The following PKD1L3 variants were observed in gnomAD, a reference collection of about 807,000 sequenced individuals.
The protein encoded by PKD1L3 is polycystin 1 like 3, transient receptor potential channel interacting.
PKD1L3 carries 239 observed loss-of-function variants against 184.1 expected under a neutral mutation model. The ratio of observed to expected loss-of-function variants is 1.30; its 90% CI spans 1.17 to 1.45. The LOEUF is 1.45. PKD1L3 is among the 40% of genes most tolerant of loss of function. PKD1L3 has a pLI of 0.00. For synonymous variants in PKD1L3, 996 were observed against 778.8 expected (o/e 1.28, Z -4.64); for missense variants, 2,660 against 2,067.2 (o/e 1.29, Z -5.56).
At chr16:71,993,708 A>T (rs2040679908) in intron 2 of PKD1L3, among the ~76,000 whole-genome samples, 1 of 152,212 alleles carries the variant, frequency 6.6e-6, no homozygotes, top group African/African-American at 2.4e-5. Context: ...ATTCCATACT[A>T]AGCGTAATAT....
intron 21 of PKD1L3, among the ~76,000 whole-genome samples, chr16:71,947,938 A>G (rs1332118465): frequency 1.4e-5 from 2 of 143,776 alleles, no homozygotes; most frequent in Non-Finnish European, 3.0e-5. Context: ...TTTTTTTGAG[A>G]CGGAGTCTCG....
At chr16:71,970,724 C>T (rs946391115) in intron 12 of PKD1L3, among the ~76,000 whole-genome samples, 59 of 152,308 alleles carry the variant, frequency 3.9e-4, no homozygotes, top group African/African-American at 1.3e-3. Context: ...AGGAGAATTG[C>T]TTGAACCTGA....
chr16:71,943,045 A>C, intron 23 of PKD1L3, 21 bp from the exon 24 acceptor site: 1 of 1,506,126 alleles, frequency 6.6e-7, no homozygotes. Context: ...AGAGGAAAAA[A>C]ATGTCATAGT....
At chr16:71,969,678 GA>G (rs928895069) in intron 13 of PKD1L3, among the ~76,000 whole-genome samples, 196 bp downstream of exon 13, 6 of 145,514 alleles carry the variant, frequency 4.1e-5, no homozygotes, top group South Asian at 2.2e-4. Context: ...GGAACCAAAG[GA>G]AAAAAAAATA....
chr16:71,966,322 C>G (rs2039500417), intron 15 of PKD1L3, among the ~76,000 whole-genome samples: 1 of 152,128 alleles, frequency 6.6e-6, no homozygotes, highest in Non-Finnish European at 1.5e-5. Context: ...TCATTCAAAC[C>G]TAACACGTTA....
At chr16:71,930,225 GTTTATAC>G in intron 28 of PKD1L3, 42 bp from the exon 29 acceptor site, 4 of 1,501,374 alleles carry the variant, frequency 2.7e-6, no homozygotes, top group Non-Finnish European at 3.6e-6. Flanking sequence ...TGACAATTTA[GTTTATAC>G]TTTACAAACA....
At chr16:71,943,594 C>T (rs1027768313) in intron 23 of PKD1L3, among the ~76,000 whole-genome samples, 1 of 149,864 alleles carries the variant, frequency 6.7e-6, no homozygotes, top group Non-Finnish European at 1.5e-5. Flanking sequence ...GTGTTTAGCT[C>T]TAAGGACTAA....
At chr16:71,962,053 T>C (rs767979286) in intron 16 of PKD1L3, among the ~76,000 whole-genome samples, 1 of 152,146 alleles carries the variant, frequency 6.6e-6, no homozygotes, top group Admixed American at 6.6e-5. Flanking sequence ...GCCTTCCAAG[T>C]AGCTGGGACT....
chr16:71,990,856 A>G (rs2040562764), intron 3 of PKD1L3, among the ~76,000 whole-genome samples: 1 of 151,902 alleles, frequency 6.6e-6, no homozygotes, highest in African/African-American at 2.4e-5. Flanking sequence ...CCTGAAAATT[A>G]TCAACAACAA....
intron 27 of PKD1L3, 62 bp from the exon 28 acceptor site, chr16:71,933,583 G>A (rs1194009031): frequency 2.4e-6 from 3 of 1,234,598 alleles, no homozygotes; most frequent in Non-Finnish European, 3.5e-6. Context: ...ATCCTGAGGT[G>A]CTTGGGGATG....
At position 71,950,389 on chromosome 16, in the gene PKD1L3, T is replaced by C. The variant is rs1024710336; in HGVS notation, c.3191-79A>G. ...ATTAGTGGTAGAGATTAACAATTCA[T>C]TGATGGATGATGAGGCTATATTTTC... On this transcript the variant is annotated intron_variant, in intron 19 of 29. Coordinates refer to ENST00000620267, the MANE Select transcript of PKD1L3 (RefSeq NM_181536.2). 1.7e-5 allele frequency: 22 copies of C among 1,261,492 alleles called. No individual in the cohort carries two copies. In the African/African-American group the frequency reaches 2.3e-4, roughly 13 times the overall value. 78.1% of individuals were successfully genotyped at this position (1,261,492 alleles called of 1,614,324 possible).
intron 17 of PKD1L3, 101 bp downstream of exon 17, chr16:71,954,004 C>T (rs1457621918): frequency 1.3e-5 from 13 of 1,022,132 alleles, no homozygotes; most frequent in Middle Eastern, 3.2e-4. Flanking sequence ...TCACTTGAGG[C>T]CAGGAGTTCT....
chr16:71,943,485 C>T (rs1043429010), intron 23 of PKD1L3, among the ~76,000 whole-genome samples: 2 of 135,244 alleles, frequency 1.5e-5, no homozygotes, highest in African/African-American at 5.6e-5. Context: ...ATGCAGTGAG[C>T]TGACATTGCA....
At chr16:71,993,400 C>T (rs540278884) in intron 2 of PKD1L3, 68 bp from the exon 3 acceptor site, 1 of 973,516 alleles carries the variant, frequency 1.0e-6, no homozygotes, top group South Asian at 1.6e-5. Flanking sequence ...ATAAAACCAT[C>T]ATTACATGCA....
Position 71,971,106 on chromosome 16 carries a change from C to T in PKD1L3, c.1954-1001G>A, listed in dbSNP as rs1473382745. Among the ~76,000 whole-genome samples the T allele has an allele frequency of 2.6e-5, 4 of 152,088 alleles. No homozygotes were observed. The East Asian group carries it at 7.7e-4, about 29-fold the overall frequency. ...AAATATTCGGTGAAAGAATGAATTC[C>T]CCCCTCAAATTCAGGCCAGTAGTTA... On this transcript the variant is annotated intron_variant, in intron 12 of 29. Transcript: ENST00000620267.
intron 28 of PKD1L3, among the ~76,000 whole-genome samples, chr16:71,932,681 G>A (rs967674946): frequency 6.7e-6 from 1 of 150,310 alleles, no homozygotes; most frequent in Non-Finnish European, 1.5e-5. Flanking sequence ...GTTTCACCAT[G>A]TTGGCCAGGC....
At chr16:71,964,064 C>T (rs944683592) in intron 15 of PKD1L3, among the ~76,000 whole-genome samples, 4 of 152,012 alleles carry the variant, frequency 2.6e-5, no homozygotes, top group Non-Finnish European at 5.9e-5. Flanking sequence ...GCTTCACAGG[C>T]CTCATCTCCA....
chr16:71,956,638 TAGAA>T (rs1354413394), intron 16 of PKD1L3, among the ~76,000 whole-genome samples: 4 of 151,998 alleles, frequency 2.6e-5, no homozygotes, highest in African/African-American at 9.7e-5. Flanking sequence ...TTTATAGAAA[TAGAA>T]AGAATAGTTG....
intron 25 of PKD1L3, among the ~76,000 whole-genome samples, chr16:71,936,649 G>A (rs1350259288): frequency 2.0e-5 from 3 of 150,632 alleles, no homozygotes; most frequent in Non-Finnish European, 2.9e-5. Context: ...CACCACGCCC[G>A]GCTAAATTTG....
Sources: allele counts gnomAD v4.1 joint callset (sites outside exome capture counted in the v4.1 genomes callset), GRCh38; gene constraint gnomAD v4.1.1; transcripts MANE v1.5; gene names NCBI Gene and HGNC (gene_info 2026-07-23, HGNC 2026-07-21).